Variants in TRAPPC12 observed in about 807,000 individuals in gnomAD.
TRAPPC12 encodes the protein TPR repeat protein 15.
In TRAPPC12, 61 loss-of-function variants were observed where a neutral mutation model predicts 69.2. That is an observed-to-expected ratio of 0.88 (90% CI 0.72 to 1.09). TRAPPC12 has a LOEUF of 1.09. Ranked by LOEUF, TRAPPC12 falls within the 50% of genes least tolerant of loss-of-function variation. TRAPPC12 has a pLI of 0.00. For missense variants in TRAPPC12, 1,101 were observed against 1,016.4 expected (o/e 1.08, Z -1.13); for synonymous variants, 469 against 438.9 (o/e 1.07, Z -0.86).
rs901575145 is a variant in TRAPPC12, at chr2:3,414,983, G to A, written c.1165-6898G>A. ...CAGCTGTGGTTGGTTGAATCCACGCGTGTGGAACCTGCAGATACGGAGGAC... is the reference window on the plus strand; with the variant it reads ...CAGCTGTGGTTGGTTGAATCCACGCATGTGGAACCTGCAGATACGGAGGAC... On this transcript the variant is annotated intron_variant, in intron 3 of 11. Coordinates refer to ENST00000324266, the MANE Select transcript of TRAPPC12 (RefSeq NM_016030.6). The surrounding 1 kb of genome is among the most constrained non-coding windows in gnomAD (Gnocchi z 4.9). 1.9e-4 allele frequency among the ~76,000 whole-genome samples: 29 copies of A among 152,264 alleles called. No homozygotes were observed. Among genetic ancestry groups the A allele is most frequent in the African/African-American group, 6.3e-4 (26 of 41,542 alleles).
chr2:3,383,552 G>A (rs1387779242), intron 1 of TRAPPC12, among the ~76,000 whole-genome samples: 4 of 151,802 alleles, frequency 2.6e-5, no homozygotes, highest in South Asian at 2.1e-4. Context: ...GATTACAGGT[G>A]CCCGCCACCA....
intron 6 of TRAPPC12, chr2:3,456,112 C>G (rs142920825): frequency 6.6e-6 from 1 of 152,166 alleles, no homozygotes; most frequent in Admixed American, 6.5e-5. Flanking sequence ...TGGCTAGATT[C>G]TTTTCAAGGT....
At chr2:3,399,417 T>A (rs1350451798) in intron 2 of TRAPPC12, among the ~76,000 whole-genome samples, 1 of 152,240 alleles carries the variant, frequency 6.6e-6, no homozygotes, top group Non-Finnish European at 1.5e-5. Context: ...TTATTGCTGC[T>A]AGATCAGTTA....
intron 3 of TRAPPC12, among the ~76,000 whole-genome samples, chr2:3,421,343 A>T (rs1314594539): frequency 6.6e-6 from 1 of 152,248 alleles, no homozygotes; most frequent in African/African-American, 2.4e-5. Context: ...GTGCATTGCC[A>T]CACGGGCCTG....
chr2:3,429,269 A>G (rs1053702577), intron 5 of TRAPPC12, among the ~76,000 whole-genome samples: 1 of 152,204 alleles, frequency 6.6e-6, no homozygotes, highest in Non-Finnish European at 1.5e-5. Context: ...TAACTTGGCA[A>G]CTGAGCTGTT....
chr2:3,466,907 T>C (rs560229611), intron 9 of TRAPPC12, among the ~76,000 whole-genome samples: 1 of 152,310 alleles, frequency 6.6e-6, no homozygotes, highest in South Asian at 2.1e-4. Context: ...TGTAACATTA[T>C]CCCCTGGTTA....
chr2:3,402,126 A>C (rs1572101835), intron 3 of TRAPPC12, among the ~76,000 whole-genome samples: 1 of 152,348 alleles, frequency 6.6e-6, no homozygotes, highest in East Asian at 1.9e-4. Flanking sequence ...CAAATTACTC[A>C]AAGCAGTGCA....
At chr2:3,477,309 A>G (rs2103178413) in intron 9 of TRAPPC12, among the ~76,000 whole-genome samples, 1 of 152,402 alleles carries the variant, frequency 6.6e-6, no homozygotes, top group African/African-American at 2.4e-5. Flanking sequence ...ACTAGCCACA[A>G]GTAACTCATA....
At chr2:3,405,307 A>G (rs1056980198) in intron 3 of TRAPPC12, among the ~76,000 whole-genome samples, 1 of 152,106 alleles carries the variant, frequency 6.6e-6, no homozygotes, top group Non-Finnish European at 1.5e-5. Flanking sequence ...CCCCAAACAA[A>G]TGTCCTTGCT....
At chr2:3,478,414 C>T (rs1209932481) in intron 10 of TRAPPC12, among the ~76,000 whole-genome samples, 1 of 152,194 alleles carries the variant, frequency 6.6e-6, no homozygotes, top group South Asian at 2.1e-4. Context: ...ACGTAGATCA[C>T]TTGAGGTCAG....
At chr2:3,421,813 C>G in intron 3 of TRAPPC12, 68 bp from the exon 4 acceptor site, 1 of 1,415,930 alleles carries the variant, frequency 7.1e-7, no homozygotes, top group East Asian at 2.3e-5. Context: ...AGTGGCTATG[C>G]GTTTGGGTCA....
intron 9 of TRAPPC12, among the ~76,000 whole-genome samples, chr2:3,473,142 C>T (rs1286090380): frequency 6.6e-6 from 1 of 152,132 alleles, no homozygotes; most frequent in African/African-American, 2.4e-5. Flanking sequence ...GACAGCCTGC[C>T]TGGTTCCCAG....
At position 3,456,942 on chromosome 2, in the gene TRAPPC12, T is replaced by G. The variant is rs1459623459; in HGVS notation, c.1531-679T>G. On this transcript the variant is annotated intron_variant, in intron 6 of 11. Coordinates refer to ENST00000324266, the MANE Select transcript of TRAPPC12 (RefSeq NM_016030.6). ...AAACATATTCCCCATGTATGATGTC[T>G]GCAGATACTTCAAGAACATCATAAA... is the stretch of plus-strand genomic sequence containing the variant. The G allele has an allele frequency of 1.6e-5, 6 of 368,696 alleles. No homozygotes were observed. In the East Asian group the frequency reaches 4.7e-4, roughly 29 times the overall value. 22.8% of individuals were successfully genotyped at this position (368,696 alleles called of 1,614,324 possible). A position where few individuals can be genotyped will look rare whatever the true frequency, so the allele number is the denominator to read the frequency against.
chr2:3,455,911 T>C (rs1250321295), intron 6 of TRAPPC12: 1 of 152,204 alleles, frequency 6.6e-6, no homozygotes, highest in Non-Finnish European at 1.5e-5. Flanking sequence ...TATTTTTTGT[T>C]TTTTTGTAGA....
At chr2:3,468,212 C>T (rs1211802792) in intron 9 of TRAPPC12, among the ~76,000 whole-genome samples, 11 of 152,012 alleles carry the variant, frequency 7.2e-5, no homozygotes, top group Non-Finnish European at 1.5e-5. Context: ...TGTGCAAACC[C>T]TGCCCATTCT....
intron 1 of TRAPPC12, among the ~76,000 whole-genome samples, chr2:3,386,815 A>G (rs1660514177): frequency 1.3e-5 from 2 of 152,112 alleles, no homozygotes; most frequent in South Asian, 4.1e-4. Flanking sequence ...TCTCAGAATG[A>G]AGTAGTGTTT....
At chr2:3,403,018 A>T (rs1661534246) in intron 3 of TRAPPC12, among the ~76,000 whole-genome samples, 1 of 152,180 alleles carries the variant, frequency 6.6e-6, no homozygotes, top group Admixed American at 6.5e-5. Flanking sequence ...TCTGAAACTC[A>T]TGTTGAAATG....
intron 5 of TRAPPC12, among the ~76,000 whole-genome samples, chr2:3,425,772 T>G (rs1264462981): frequency 1.3e-5 from 2 of 152,162 alleles, no homozygotes; most frequent in African/African-American, 4.8e-5. Flanking sequence ...AAACCAGTGG[T>G]ACAAGAGATG....
chr2:3,420,775 C>T (rs144548829), intron 3 of TRAPPC12, among the ~76,000 whole-genome samples: 7 of 152,248 alleles, frequency 4.6e-5, no homozygotes, highest in Middle Eastern at 3.4e-3. Flanking sequence ...CTCTGTGTCC[C>T]GGCGTGGAGT....
Sources: gnomAD v4.1 joint callset for allele counts (sites outside exome capture counted in the v4.1 genomes callset) on GRCh38, gnomAD v4.1.1 for gene constraint, Gnocchi (gnomAD v3.1) non-coding constraint, MANE v1.5 for transcripts, NCBI Gene and HGNC (gene_info 2026-07-23, HGNC 2026-07-21) for gene names.